The following FLNB variants were observed in gnomAD, a reference collection of about 807,000 sequenced individuals.
FLNB encodes the protein filamin-B.
A neutral mutation model predicts 250.6 loss-of-function variants in FLNB; 111 were observed. The ratio of observed to expected loss-of-function variants is 0.44; its 90% CI spans 0.38 to 0.52. FLNB has a LOEUF of 0.52. Among genes scored for constraint, FLNB ranks in the 20% least tolerant of loss-of-function variants. FLNB has a pLI of 0.00. For missense variants in FLNB, 2,869 were observed against 3,447.8 expected (o/e 0.83, Z 4.20); for synonymous variants, 1,302 against 1,372.1 (o/e 0.95, Z 1.13).
At chr3:58,131,301 C>A (rs1316592476) in intron 25 of FLNB, among the ~76,000 whole-genome samples, 3 of 152,088 alleles carry the variant, frequency 2.0e-5, no homozygotes, top group African/African-American at 7.2e-5. Flanking sequence ...GTGGTACATA[C>A]CAGAACCTCT....
chr3:58,097,928 T>G lies in FLNB; in HGVS notation c.1098T>G (p.Ala366=). 6.2e-7 allele frequency: 1 copy of G among 1,614,182 alleles called. No homozygotes were observed. Among genetic ancestry groups the G allele is most frequent in the Non-Finnish European group, 8.5e-7 (1 of 1,180,018 alleles). Residue 366 remains alanine, a synonymous_variant, in exon 7 of 46, where the codon GCT becomes GCG. Transcript: ENST00000295956. ...KVTAKGPGLE[A]VGNIANKPTY... is the part of the protein sequence containing the mutation. The stretch of plus-strand genomic sequence containing the variant: ...CTGCAAAAGGTCCAGGGTTGGAAGC[T>G]GTAGGGAACATCGCCAATAAGCCCA...
intron 3 of FLNB, 60 bp downstream of exon 3, chr3:58,078,874 A>C: frequency 7.5e-7 from 1 of 1,336,868 alleles, no homozygotes. Flanking sequence ...TGTTCTGTGG[A>C]TGCCTTCCCG....
rs2097283506 is a variant in FLNB at position 58,118,896 on chromosome 3, T to C, written c.2770T>C (p.Tyr924His). 3 of 1,614,062 alleles carry C rather than the reference T, an allele frequency of 1.9e-6. No homozygotes were observed. The highest frequency in any genetic ancestry group is 4.5e-5 in the East Asian group (2 of 44,874). ...QQGNMQVLVTYGGDPIPKSPF... is the reference protein window; with the variant it reads ...QQGNMQVLVTHGGDPIPKSPF... ...GGGCAACATGCAGGTTCTGGTGACT[T>C]ACGGTGGCGATCCCATCCCTAAAAG... Residue 924 changes from tyrosine (Y) to histidine (H), a missense_variant, in exon 19 of 46, where the codon TAC becomes CAC. Physicochemically the swap from Tyr to His is moderately conservative, Grantham distance 83. Transcript: ENST00000295956.
At chr3:58,066,470 T>C (rs1474589924) in intron 1 of FLNB, among the ~76,000 whole-genome samples, 1 of 152,160 alleles carries the variant, frequency 6.6e-6, no homozygotes, top group Non-Finnish European at 1.5e-5. Context: ...TCATCTGCCT[T>C]GGCCTCCCAA....
intron 1 of FLNB, among the ~76,000 whole-genome samples, chr3:58,024,632 TTGGATAAC>T (rs1220939586): frequency 6.6e-6 from 1 of 151,962 alleles, no homozygotes; most frequent in Non-Finnish European, 1.5e-5. Context: ...ACCTGGGTTT[TTGGATAAC>T]TGTTGAGTAG....
intron 1 of FLNB, among the ~76,000 whole-genome samples, chr3:58,034,423 T>G (rs897928044): frequency 9.3e-5 from 14 of 151,264 alleles, no homozygotes; most frequent in African/African-American, 3.4e-4. Context: ...TTTGAGAGTT[T>G]CGCCCTAGTC....
intron 1 of FLNB, among the ~76,000 whole-genome samples, chr3:58,049,269 C>A (rs2097158639): frequency 6.6e-6 from 1 of 152,114 alleles, no homozygotes; most frequent in Non-Finnish European, 1.5e-5. Context: ...GGGATGGCCA[C>A]CATTTGTGTT....
intron 1 of FLNB, among the ~76,000 whole-genome samples, chr3:58,040,430 C>CTG (rs1302890744): frequency 1.3e-5 from 2 of 152,174 alleles, no homozygotes; most frequent in African/African-American, 2.4e-5. Context: ...TGGTCCATGC[C>CTG]TGCAAGTCCT....
intron 43 of FLNB, among the ~76,000 whole-genome samples, chr3:58,167,910 G>T (rs1020702857): frequency 6.6e-6 from 1 of 152,226 alleles, no homozygotes; most frequent in Admixed American, 6.5e-5. Flanking sequence ...TGGAATTCAC[G>T]GCAAAGTGGG....
chr3:58,143,198 T>A (rs1471084485), intron 31 of FLNB, among the ~76,000 whole-genome samples: 1 of 152,140 alleles, frequency 6.6e-6, no homozygotes, highest in Non-Finnish European at 1.5e-5. Flanking sequence ...GCTGGTTTCA[T>A]GGTGTTCTCA....
chr3:58,132,976 T>G, intron 26 of FLNB, 45 bp downstream of exon 26: 1 of 1,581,950 alleles, frequency 6.3e-7, no homozygotes, highest in Non-Finnish European at 8.6e-7. Flanking sequence ...TCAGTCTATC[T>G]GTCCACCCAT....
At chr3:58,083,586 C>T (rs111646996) in intron 4 of FLNB, among the ~76,000 whole-genome samples, 1,722 of 152,022 alleles carry the variant, frequency 0.011, 37 homozygotes, top group African/African-American at 0.039. Context: ...AGGCTGGTCT[C>T]CAACTCCTGG....
chr3:58,069,091 A>G (rs1576664161), intron 1 of FLNB, among the ~76,000 whole-genome samples: 1 of 150,366 alleles, frequency 6.7e-6, no homozygotes, highest in South Asian at 2.1e-4. Context: ...TGCAGTGAGC[A>G]GAGATTGTAC....
intron 1 of FLNB, among the ~76,000 whole-genome samples, chr3:58,059,126 TG>T (rs951699025): frequency 1.3e-5 from 2 of 152,176 alleles, no homozygotes; most frequent in Non-Finnish European, 2.9e-5. Context: ...TGCCCCCAGT[TG>T]TTTGGCCACT....
At chr3:58,108,357 G>A in intron 12 of FLNB, 101 bp from the exon 13 acceptor site, 1 of 766,024 alleles carries the variant, frequency 1.3e-6, no homozygotes, top group Admixed American at 2.0e-5. Flanking sequence ...ACCAGACACA[G>A]GTCATTTTGT....
At chr3:58,032,720 T>C (rs2097132689) in intron 1 of FLNB, among the ~76,000 whole-genome samples, 2 of 152,324 alleles carry the variant, frequency 1.3e-5, no homozygotes, top group South Asian at 4.1e-4. Flanking sequence ...TGGGATGTGG[T>C]CTGGTATCCC....
chr3:58,112,281 ACTACT>A lies in FLNB; in HGVS notation c.2711_2715del (p.Tyr904SerfsTer4). The A allele has an allele frequency of 6.2e-7, 1 of 1,613,826 alleles. No individual in the cohort carries two copies. The highest frequency in any genetic ancestry group is 8.5e-7 in the Non-Finnish European group (1 of 1,180,002). On this transcript the variant is annotated frameshift_variant, in exon 18 of 46. Coordinates refer to ENST00000295956, the MANE Select transcript of FLNB (RefSeq NM_001457.4). LOFTEE classifies it high-confidence loss of function. ...GATTTGGATATCATCGATAATTATGACTACTCTCACACGGTTAAATATACACCCAC... is the reference window on the plus strand; with the variant it reads ...GATTTGGATATCATCGATAATTATGACTCACACGGTTAAATATACACCCAC...
At chr3:58,062,060 C>T (rs1446178318) in intron 1 of FLNB, among the ~76,000 whole-genome samples, 2 of 152,272 alleles carry the variant, frequency 1.3e-5, no homozygotes, top group East Asian at 3.9e-4. Context: ...CACTGCACTC[C>T]AGCCTGGGTG....
chr3:58,098,973 G>A, intron 8 of FLNB, 65 bp downstream of exon 8: 9 of 1,443,358 alleles, frequency 6.2e-6, no homozygotes, highest in South Asian at 2.3e-5. Flanking sequence ...GCTGGGCAGG[G>A]AGGCCAGGAA....
Sources: allele counts gnomAD v4.1 joint callset (sites outside exome capture counted in the v4.1 genomes callset), GRCh38; gene constraint gnomAD v4.1.1; transcripts MANE v1.5; gene names NCBI Gene and HGNC (gene_info 2026-07-23, HGNC 2026-07-21).